The following JARID2 variants were observed in gnomAD, a reference collection of about 807,000 sequenced individuals.
JARID2 encodes jumonji and AT-rich interaction domain containing 2, also known as protein Jumonji.
Under a neutral mutation model 125.6 loss-of-function variants are expected in JARID2, and 21 were observed. The observed-to-expected ratio is 0.17, with a 90% CI of 0.12 to 0.24. The LOEUF (loss-of-function observed/expected upper bound fraction) is 0.24, where lower values mean the gene tolerates loss of function less well. Ranked by LOEUF, JARID2 falls within the 10% of genes least tolerant of loss-of-function variation. JARID2 has a pLI of 1.00. For synonymous variants in JARID2, 736 were observed against 661.6 expected (o/e 1.11, Z -1.73); for missense variants, 1,303 against 1,639.6 (o/e 0.79, Z 3.55).
At chr6:15,405,885 C>T (rs988318184) in intron 2 of JARID2, among the ~76,000 whole-genome samples, 1 of 152,176 alleles carries the variant, frequency 6.6e-6, no homozygotes, top group Non-Finnish European at 1.5e-5. Context: ...ACCTGGCCCT[C>T]CTGGATTGGG....
At chr6:15,261,287 T>C (rs1759862332) in intron 1 of JARID2, among the ~76,000 whole-genome samples, 1 of 151,116 alleles carries the variant, frequency 6.6e-6, no homozygotes, top group African/African-American at 2.4e-5. Flanking sequence ...ATGAAGGCCT[T>C]GGATGGTGTT....
intron 3 of JARID2, among the ~76,000 whole-genome samples, chr6:15,427,585 A>G (rs1335780020): frequency 2.6e-5 from 4 of 151,972 alleles, no homozygotes; most frequent in African/African-American, 9.7e-5. Flanking sequence ...TAGGCTTTTA[A>G]ACAGTAACAT....
intron 16 of JARID2, among the ~76,000 whole-genome samples, chr6:15,516,054 G>A (rs9396591): frequency 0.23 from 34,949 of 150,742 alleles, 4,857 homozygotes; most frequent in East Asian, 0.43. Context: ...TGACTTATAC[G>A]TTGACAGTTT....
chr6:15,370,894 T>A (rs1764143621), intron 1 of JARID2, among the ~76,000 whole-genome samples: 1 of 152,196 alleles, frequency 6.6e-6, no homozygotes, highest in Admixed American at 6.5e-5. Flanking sequence ...TTGGAATTAT[T>A]ACCTACTGGT....
chr6:15,363,375 TC>T (rs1245663396), intron 1 of JARID2, among the ~76,000 whole-genome samples: 1 of 152,222 alleles, frequency 6.6e-6, no homozygotes, highest in Non-Finnish European at 1.5e-5. Context: ...CTGGGAGTGT[TC>T]CTGATGTCTG....
chr6:15,492,684 A>T (rs1053130739), intron 6 of JARID2, among the ~76,000 whole-genome samples: 2 of 152,110 alleles, frequency 1.3e-5, no homozygotes, highest in African/African-American at 4.8e-5. Flanking sequence ...GGGGCTTCCT[A>T]TGTTAGCTTT....
At chr6:15,287,001 G>C (rs1192525576) in intron 1 of JARID2, among the ~76,000 whole-genome samples, 2 of 152,086 alleles carry the variant, frequency 1.3e-5, no homozygotes, top group African/African-American at 2.4e-5. Flanking sequence ...TGTAATCCCA[G>C]CTACTCCGGA....
intron 1 of JARID2, among the ~76,000 whole-genome samples, chr6:15,276,472 AGGAGGTCT>A (rs1427487759): frequency 6.6e-6 from 1 of 152,208 alleles, no homozygotes; most frequent in African/African-American, 2.4e-5. Context: ...GGAGAGCCAA[AGGAGGTCT>A]GGGGTTGGTA....
chr6:15,333,467 G>A (rs1762783530), intron 1 of JARID2, among the ~76,000 whole-genome samples: 3 of 152,094 alleles, frequency 2.0e-5, no homozygotes, highest in Admixed American at 6.5e-5. Context: ...GTGGCCATAC[G>A]TGTATGGCGT....
intron 3 of JARID2, among the ~76,000 whole-genome samples, chr6:15,424,271 G>T (rs1352737994): frequency 1.3e-5 from 2 of 151,554 alleles, no homozygotes; most frequent in Non-Finnish European, 2.9e-5. Flanking sequence ...CCTGGCCATT[G>T]ACTGTCTCTT....
chr6:15,478,985 C>T (rs1433074798), intron 5 of JARID2, among the ~76,000 whole-genome samples: 1 of 152,126 alleles, frequency 6.6e-6, no homozygotes, highest in Non-Finnish European at 1.5e-5. Context: ...TTTTATGAAA[C>T]CCAAAACTGC....
intron 1 of JARID2, among the ~76,000 whole-genome samples, chr6:15,312,901 C>T (rs537060361): frequency 6.6e-6 from 1 of 152,318 alleles, no homozygotes; most frequent in African/African-American, 2.4e-5. Context: ...TTACCCCTCA[C>T]CACCCCACTA....
chr6:15,518,614 T>TG (rs1771679275), intron 17 of JARID2, among the ~76,000 whole-genome samples: 6 of 152,056 alleles, frequency 3.9e-5, no homozygotes, highest in Admixed American at 3.9e-4. Flanking sequence ...CTGGAGTAGC[T>TG]GGGATTACAG....
At chr6:15,345,462 T>C (rs1330541863) in intron 1 of JARID2, among the ~76,000 whole-genome samples, 1 of 152,224 alleles carries the variant, frequency 6.6e-6, no homozygotes, top group Non-Finnish European at 1.5e-5. Flanking sequence ...TTGATCTTGG[T>C]CTAGTTACTG....
chr6:15,414,157 T>A (rs1319706766), intron 3 of JARID2, among the ~76,000 whole-genome samples: 1 of 152,180 alleles, frequency 6.6e-6, no homozygotes, highest in Admixed American at 6.5e-5. Context: ...AGGGATTGTA[T>A]GTGCTTGACT....
chr6:15,503,303 A>G (rs1223170189), intron 8 of JARID2, among the ~76,000 whole-genome samples: 1 of 152,232 alleles, frequency 6.6e-6, no homozygotes, highest in East Asian at 1.9e-4. Flanking sequence ...TATTTACAAG[A>G]AACAGACTAT....
intron 1 of JARID2, among the ~76,000 whole-genome samples, chr6:15,322,036 C>T (rs914429069): frequency 1.3e-5 from 2 of 152,028 alleles, no homozygotes; most frequent in Non-Finnish European, 2.9e-5. Context: ...CGTTGTTCGC[C>T]TGCCTCCCAA....
chr6:15,347,320 T>TGATGA (rs1763276210), intron 1 of JARID2, among the ~76,000 whole-genome samples: 1 of 152,126 alleles, frequency 6.6e-6, no homozygotes, highest in African/African-American at 2.4e-5. Flanking sequence ...ATGCAGGACT[T>TGATGA]AACGAGAATG....
chr6:15,420,069 C>T (rs540733821), intron 3 of JARID2, among the ~76,000 whole-genome samples: 15 of 152,262 alleles, frequency 9.9e-5, no homozygotes, highest in Admixed American at 3.9e-4. Context: ...TACCCTAAAT[C>T]TGCTGGTAAG....
Sources: allele counts gnomAD v4.1 joint callset (sites outside exome capture counted in the v4.1 genomes callset), GRCh38; gene constraint gnomAD v4.1.1; transcripts MANE v1.5; gene names NCBI Gene and HGNC (gene_info 2026-07-23, HGNC 2026-07-21).